The following VWC2L variants were observed in gnomAD, a reference collection of about 807,000 sequenced individuals.
The protein encoded by VWC2L is von Willebrand factor C domain-containing protein 2-like.
Under a neutral mutation model 21.6 loss-of-function variants are expected in VWC2L, and 10 were observed. The ratio of observed to expected loss-of-function variants is 0.46; its 90% confidence interval spans 0.29 to 0.78. The LOEUF is 0.78. Among genes scored for constraint, VWC2L ranks in the 30% least tolerant of loss-of-function variants. VWC2L has a pLI of 0.10. For missense variants in VWC2L, 209 were observed against 277.1 expected (o/e 0.75, Z 1.74); for synonymous variants, 96 against 94.3 (o/e 1.02, Z -0.10).
At chr2:214,463,902 C>T (rs7558371) in intron 3 of VWC2L, among the ~76,000 whole-genome samples, 101,612 of 151,768 alleles carry the variant, frequency 0.67, 35,593 homozygotes, top group African/African-American at 0.88. Context: ...AAGCTCACTA[C>T]TTCTTCTGCT....
rs1690273626 is a variant in VWC2L, at chr2:214,578,865, A to T, written c.*3045A>T. 1 of 152,078 alleles carries T rather than the reference A, an allele frequency of 6.6e-6. No individual in the cohort carries two copies. The highest frequency in any genetic ancestry group is 1.5e-5 in the Non-Finnish European group (1 of 68,000). 9.4% of individuals were successfully genotyped at this position (152,078 alleles called of 1,614,324 possible). ...CCTGAAAACTAGTGAGAAAAAAAAAAAACCTAAACACTAAACTGTAAAAAG... is the reference window on the plus strand; with the variant it reads ...CCTGAAAACTAGTGAGAAAAAAAAATAACCTAAACACTAAACTGTAAAAAG... On this transcript the variant is annotated 3_prime_UTR_variant, in exon 4 of 4. Coordinates refer to ENST00000312504, the MANE Select transcript of VWC2L (RefSeq NM_001080500.4).
At chr2:214,544,957 C>T (rs555937787) in intron 3 of VWC2L, among the ~76,000 whole-genome samples, 4 of 152,248 alleles carry the variant, frequency 2.6e-5, no homozygotes, top group Non-Finnish European at 5.9e-5. Context: ...ATTTACTCTG[C>T]TATGTTGTTT....
intron 3 of VWC2L, among the ~76,000 whole-genome samples, chr2:214,562,570 C>T (rs924667457): frequency 2.0e-5 from 3 of 152,132 alleles, no homozygotes; most frequent in Non-Finnish European, 2.9e-5. Flanking sequence ...ATCAGCACAC[C>T]GTCTTCCACA....
chr2:214,417,656 T>C (rs1174166008), intron 2 of VWC2L, among the ~76,000 whole-genome samples: 3 of 151,960 alleles, frequency 2.0e-5, no homozygotes, highest in Middle Eastern at 3.2e-3. Context: ...AATGCTATCC[T>C]AGTAAGAGGC....
intron 3 of VWC2L, among the ~76,000 whole-genome samples, chr2:214,554,885 G>C (rs1048353278): frequency 6.6e-6 from 1 of 152,054 alleles, no homozygotes; most frequent in African/African-American, 2.4e-5. Flanking sequence ...CTTCGAAATG[G>C]CCCTGCAAAA....
Position 214,559,226 on chromosome 2 carries a change from CA to C in VWC2L, c.521-16445del, listed in dbSNP as rs1175972654. Among the ~76,000 whole-genome samples, 7 of 152,206 alleles carry C rather than the reference CA, an allele frequency of 4.6e-5. No homozygotes were observed. In the East Asian group the frequency reaches 1.3e-3, roughly 29 times the overall value. On this transcript the variant is annotated intron_variant, in intron 3 of 3. Transcript: ENST00000312504. ...AGAAGACATTTATGCAGCCAAAAAA[CA>C]CATGAAAAAATGCTCATCATCACTG... is the stretch of plus-strand genomic sequence containing the variant.
intron 3 of VWC2L, among the ~76,000 whole-genome samples, chr2:214,484,920 T>A (rs1478409594): frequency 1.3e-5 from 2 of 152,204 alleles, no homozygotes. Context: ...CATCTGTATT[T>A]CCAGAGCATG....
At chr2:214,483,608 TA>T (rs1559304441) in intron 3 of VWC2L, among the ~76,000 whole-genome samples, 1 of 152,194 alleles carries the variant, frequency 6.6e-6, no homozygotes, top group Admixed American at 6.5e-5. Flanking sequence ...ACATTCAACT[TA>T]AATAGATCAC....
At chr2:214,439,471 A>G (rs1702730365) in intron 3 of VWC2L, among the ~76,000 whole-genome samples, 1 of 152,010 alleles carries the variant, frequency 6.6e-6, no homozygotes, top group South Asian at 2.1e-4. Flanking sequence ...TATGGATTCA[A>G]GGTAGATGCA....
chr2:214,420,085 G>A (rs4130288), intron 2 of VWC2L, among the ~76,000 whole-genome samples: 16 of 152,028 alleles, frequency 1.1e-4, no homozygotes, highest in East Asian at 1.9e-4. Flanking sequence ...AAATTAAGCC[G>A]TGGGATTATT....
intron 2 of VWC2L, among the ~76,000 whole-genome samples, chr2:214,431,255 A>T (rs182966498): frequency 6.6e-6 from 1 of 152,218 alleles, no homozygotes; most frequent in Non-Finnish European, 1.5e-5. Context: ...TACAGTTTGA[A>T]AGTAATGAGA....
chr2:214,535,965 G>A (rs1689521156), intron 3 of VWC2L, among the ~76,000 whole-genome samples: 2 of 152,016 alleles, frequency 1.3e-5, no homozygotes, highest in South Asian at 4.1e-4. Flanking sequence ...CTTTACCTGG[G>A]CAGTCCTGCT....
chr2:214,544,535 G>A (rs916008218), intron 3 of VWC2L, among the ~76,000 whole-genome samples: 9 of 151,966 alleles, frequency 5.9e-5, no homozygotes, highest in Admixed American at 1.3e-4. Flanking sequence ...GGACTGGTAC[G>A]CTTGTTACTC....
intron 3 of VWC2L, among the ~76,000 whole-genome samples, chr2:214,492,976 A>C (rs1012176591): frequency 6.6e-6 from 1 of 152,228 alleles, no homozygotes; most frequent in Non-Finnish European, 1.5e-5. Flanking sequence ...CCAAGCGTTT[A>C]TCAATGGTGC....
chr2:214,496,189 G>A (rs1688808670), intron 3 of VWC2L, among the ~76,000 whole-genome samples: 1 of 119,584 alleles, frequency 8.4e-6, no homozygotes, highest in South Asian at 2.5e-4. Flanking sequence ...ACACAATAGT[G>A]AGCATTTTTG....
chr2:214,481,128 T>A (rs1688598926), intron 3 of VWC2L, among the ~76,000 whole-genome samples: 1 of 152,178 alleles, frequency 6.6e-6, no homozygotes, highest in Admixed American at 6.5e-5. Flanking sequence ...TCCTTCTCTG[T>A]CTACCTCCCT....
intron 3 of VWC2L, among the ~76,000 whole-genome samples, chr2:214,557,289 T>C (rs1689888125): frequency 6.6e-6 from 1 of 151,492 alleles, no homozygotes; most frequent in Non-Finnish European, 1.5e-5. Flanking sequence ...GCTAAACGGG[T>C]TTCCCCTTAT....
chr2:214,569,296 T>C (rs955868811), intron 3 of VWC2L, among the ~76,000 whole-genome samples: 1 of 152,006 alleles, frequency 6.6e-6, no homozygotes, highest in Non-Finnish European at 1.5e-5. Context: ...GTGCAGTTAA[T>C]GAAATCAATG....
chr2:214,485,587 G>A (rs568630136), intron 3 of VWC2L, among the ~76,000 whole-genome samples: 3 of 152,276 alleles, frequency 2.0e-5, no homozygotes, highest in African/African-American at 7.2e-5. Flanking sequence ...AGCACACAGG[G>A]AAAAAGGAAA....
Sources: allele counts gnomAD v4.1 joint callset (sites outside exome capture counted in the v4.1 genomes callset), GRCh38; gene constraint gnomAD v4.1.1; transcripts MANE v1.5; gene names NCBI Gene and HGNC (gene_info 2026-07-23, HGNC 2026-07-21).